LYRM9: variants seen among roughly 807,000 people sequenced by gnomAD.
LYRM9 encodes the protein LYR motif-containing protein 9.
A neutral mutation model predicts 12.6 loss-of-function variants in LYRM9; 14 were observed. That is an observed-to-expected ratio of 1.11 (90% CI 0.73 to 1.73). The LOEUF is 1.73. Among genes scored for constraint, LYRM9 ranks in the 40% most tolerant of loss-of-function variants. The pLI is 0.00. For missense variants in LYRM9, 94 were observed against 95.0 expected (o/e 0.99, Z 0.04); for synonymous variants, 42 against 35.1 (o/e 1.20, Z -0.69).
chr17:27,882,438 G>T, intron 2 of LYRM9, 131 bp downstream of exon 2: 1 of 1,283,644 alleles, frequency 7.8e-7, no homozygotes, highest in Non-Finnish European at 1.0e-6. Flanking sequence ...CTGGTTTCCT[G>T]TGGCTCTTCC....
At chr17:27,891,554 C>A (rs1198058219) in intron 1 of LYRM9, among the ~76,000 whole-genome samples, 6 of 152,182 alleles carry the variant, frequency 3.9e-5, no homozygotes, top group Non-Finnish European at 5.9e-5. Flanking sequence ...GACTTCTTCA[C>A]CTGCCTCAAG....
intron 1 of LYRM9, chr17:27,883,246 A>G (rs1905124705): frequency 3.6e-6 from 1 of 275,458 alleles, no homozygotes; most frequent in Admixed American, 4.8e-5. Flanking sequence ...GCATTTTAAC[A>G]AGGATGCCAG....
rs974333531 is a variant in LYRM9, at chr17:27,880,063, G to A, written c.219+211C>T. 2.3e-5 allele frequency: 16 copies of A among 699,578 alleles called. No individual in the cohort carries two copies. The African/African-American group carries it at 2.8e-4, about 12-fold the overall frequency. The allele number at this position is 699,578 out of a possible 1,614,324, so 43.3% of individuals were successfully genotyped here. A position where few individuals can be genotyped will look rare whatever the true frequency, so the allele number is the denominator to read the frequency against. ...AGAAATTTGCCTTTAAGGATGAAGA[G>A]TGAGAGCCCCTCCCCACTTGCAGAA... On this transcript the variant is annotated intron_variant, in intron 3 of 3. Coordinates refer to ENST00000379102, the MANE Select transcript of LYRM9 (RefSeq NM_001076680.3).
intron 1 of LYRM9, among the ~76,000 whole-genome samples, chr17:27,889,860 T>C (rs557022346): frequency 3.4e-4 from 51 of 152,164 alleles, no homozygotes; most frequent in South Asian, 3.3e-3. Context: ...GACCCAGCCC[T>C]AGGACCACAG....
chr17:27,890,303 G>A (rs12601775), intron 1 of LYRM9, among the ~76,000 whole-genome samples: 1 of 151,986 alleles, frequency 6.6e-6, no homozygotes, highest in Non-Finnish European at 1.5e-5. Flanking sequence ...CTATTATCCA[G>A]TACTCCTCAA....
intron 1 of LYRM9, among the ~76,000 whole-genome samples, chr17:27,889,014 C>G (rs1055509099): frequency 3.9e-5 from 6 of 152,202 alleles, no homozygotes; most frequent in Non-Finnish European, 8.8e-5. Context: ...TCCCTAGTCC[C>G]TTTTCCAATG....
chr17:27,883,006 C>G (rs530048435), intron 1 of LYRM9: 1 of 511,222 alleles, frequency 2.0e-6, no homozygotes, highest in African/African-American at 1.9e-5. Flanking sequence ...TGTCCCTCAC[C>G]GGCAGGGTAG....
chr17:27,885,934 C>A (rs1445780666), intron 1 of LYRM9, among the ~76,000 whole-genome samples: 1 of 152,016 alleles, frequency 6.6e-6, no homozygotes, highest in Non-Finnish European at 1.5e-5. Flanking sequence ...CAGAGTCGGA[C>A]AGGACAGGGC....
chr17:27,892,860 A>G (rs1466415439), intron 1 of LYRM9: 1 of 154,044 alleles, frequency 6.5e-6, no homozygotes, highest in African/African-American at 2.4e-5. Flanking sequence ...CCTAGGAGCG[A>G]AAGGGTTTTG....
intron 2 of LYRM9, among the ~76,000 whole-genome samples, chr17:27,881,503 T>A (rs116877894): frequency 0.032 from 4,795 of 151,996 alleles, 128 homozygotes; most frequent in South Asian, 0.077. Context: ...TATTTGGAAA[T>A]GATTTCTCAC....
chr17:27,882,383 G>A (rs1905089504), intron 2 of LYRM9, among the ~76,000 whole-genome samples, 186 bp downstream of exon 2: 1 of 152,176 alleles, frequency 6.6e-6, no homozygotes, highest in South Asian at 2.1e-4. Flanking sequence ...TGCTGGGTGA[G>A]GCACCCTCTG....
At position 27,886,472 on chromosome 17, in the gene LYRM9, C is replaced by T. The variant is rs941489933; in HGVS notation, c.-18-3760G>A. ...CAGTCAATGCCTCTGGGCCTGGCAA[C>T]ACTTGCCTCCCTTGCCCTGCCCTTT... On this transcript the variant is annotated intron_variant, in intron 1 of 3. Coordinates refer to ENST00000379102, the MANE Select transcript of LYRM9 (RefSeq NM_001076680.3). This position sits in a 1 kb window ranked among gnomAD's most constrained non-coding sequence, Gnocchi z 4.8. 6.6e-6 allele frequency among the ~76,000 whole-genome samples: 1 copy of T among 152,180 alleles called. No individual in the cohort carries two copies. The highest frequency in any genetic ancestry group is 1.5e-5 in the Non-Finnish European group (1 of 68,034).
chr17:27,880,419 A>T, intron 2 of LYRM9, 53 bp from the exon 3 acceptor site: 1 of 1,364,168 alleles, frequency 7.3e-7, no homozygotes, highest in Non-Finnish European at 1.0e-6. Flanking sequence ...CAGGACAGGC[A>T]GCTTCAGAGC....
At position 27,878,688 on chromosome 17, in the gene LYRM9, T is replaced by A. The variant is rs552301451; in HGVS notation, c.*785A>T. 16 of 152,288 alleles carry A rather than the reference T, an allele frequency of 1.1e-4. No individual in the cohort carries two copies. The highest frequency in any genetic ancestry group is 5.8e-4 in the East Asian group (3 of 5,178). 9.4% of individuals were successfully genotyped at this position (152,288 alleles called of 1,614,324 possible). A position where few individuals can be genotyped will look rare whatever the true frequency, so the allele number is the denominator to read the frequency against. On this transcript the variant is annotated 3_prime_UTR_variant, in exon 4 of 4. Transcript: ENST00000379102. ...AGAGTCCATGGCAGCTGCTTTGGCG[T>A]CTCTCCTTGGTTCATGTGGTGGGCA... is the stretch of plus-strand genomic sequence containing the variant.
chr17:27,885,052 T>C (rs898036235), intron 1 of LYRM9, among the ~76,000 whole-genome samples: 3 of 152,152 alleles, frequency 2.0e-5, no homozygotes, highest in Non-Finnish European at 2.9e-5. Context: ...CTGGAGTGGA[T>C]AGGTGGTTGT....
At chr17:27,890,476 A>G (rs534783948) in intron 1 of LYRM9, among the ~76,000 whole-genome samples, 14 of 152,362 alleles carry the variant, frequency 9.2e-5, no homozygotes, top group South Asian at 6.2e-4. Context: ...AGAAATGCTT[A>G]ACAACAAAGC....
intron 1 of LYRM9, among the ~76,000 whole-genome samples, chr17:27,885,582 C>T (rs374968506): frequency 1.2e-4 from 18 of 151,576 alleles, no homozygotes; most frequent in Non-Finnish European, 2.1e-4. Flanking sequence ...TGGTGGCATG[C>T]GCCTGTAGTC....
chr17:27,892,319 T>C, intron 1 of LYRM9: 1 of 437,576 alleles, frequency 2.3e-6, no homozygotes. Flanking sequence ...ACTGTATTAG[T>C]TCAACACCTG....
intron 1 of LYRM9, chr17:27,892,859 G>A (rs556244515): frequency 1.9e-5 from 3 of 154,148 alleles, no homozygotes; most frequent in African/African-American, 7.2e-5. Flanking sequence ...TCCTAGGAGC[G>A]AAAGGGTTTT....
Sources: allele counts gnomAD v4.1 joint callset (sites outside exome capture counted in the v4.1 genomes callset), GRCh38; gene constraint gnomAD v4.1.1; non-coding constraint Gnocchi (gnomAD v3.1); transcripts MANE v1.5; gene names NCBI Gene and HGNC (gene_info 2026-07-23, HGNC 2026-07-21).